ANKRD28: variants seen among roughly 807,000 people sequenced by gnomAD.
ANKRD28 encodes ankyrin repeat domain 28.
In ANKRD28, 44 loss-of-function variants were observed where a neutral mutation model predicts 126.5. That is an observed-to-expected ratio of 0.35 (90% CI 0.27 to 0.45). ANKRD28 has a LOEUF of 0.45. ANKRD28 is among the 20% of genes least tolerant of loss of function. ANKRD28 has a pLI of 1.00. For synonymous variants in ANKRD28, 442 were observed against 468.5 expected (o/e 0.94, Z 0.73); for missense variants, 1,110 against 1,316.6 (o/e 0.84, Z 2.43).
At chr3:15,755,942 C>T (rs2058129650) in intron 3 of ANKRD28, among the ~76,000 whole-genome samples, 1 of 152,208 alleles carries the variant, frequency 6.6e-6, no homozygotes, top group Non-Finnish European at 1.5e-5. Flanking sequence ...CAAAAGACAA[C>T]ACACATAGCA....
intron 1 of ANKRD28, among the ~76,000 whole-genome samples, chr3:15,831,656 A>C (rs1244625481): frequency 1.3e-5 from 2 of 152,230 alleles, no homozygotes; most frequent in African/African-American, 4.8e-5. Flanking sequence ...TCTTTTACAA[A>C]AAAAGGGAAT....
At chr3:15,755,994 T>C (rs2058133551) in intron 3 of ANKRD28, among the ~76,000 whole-genome samples, 1 of 152,186 alleles carries the variant, frequency 6.6e-6, no homozygotes, top group Admixed American at 6.5e-5. Flanking sequence ...AAACCAATAT[T>C]TACAGAAAAC....
rs932823245 is a variant in ANKRD28 at position 15,814,346 on chromosome 3, C to T, written c.28-19040G>A. 4.3e-6 allele frequency: 5 copies of T among 1,168,290 alleles called. No individual in the cohort carries two copies. The highest frequency in any genetic ancestry group is 5.6e-5 in the Admixed American group (2 of 35,626). The allele number at this position is 1,168,290 out of a possible 1,614,324, so 72.4% of individuals were successfully genotyped here. ...AACAGATATCAAAAGAAAGAATACG[C>T]TGATCCTAGAAATTAAGGGCTATGT... On this transcript the variant is annotated intron_variant, in intron 1 of 27. Transcript: ENST00000399451. The surrounding 1 kb of genome is among the most constrained non-coding windows in gnomAD (Gnocchi z 4.7).
exon 1 of ANKRD28, chr3:15,859,587 C>A: frequency 5.0e-6 from 1 of 198,346 alleles, no homozygotes; most frequent in Non-Finnish European, 9.2e-6. Flanking sequence ...CCGCCCGCCG[C>A]CGCCGCCGCC....
chr3:15,762,207 AAAAAAACAAAAC>A (rs1559489098), intron 3 of ANKRD28, among the ~76,000 whole-genome samples: 4 of 33,146 alleles, frequency 1.2e-4, no homozygotes, highest in African/African-American at 2.4e-4. Flanking sequence ...AAAAAAAAAA[AAAAAAACAAAAC>A]AAAAAAAAAA....
chr3:15,820,777 TATG>T (rs1199899063), intron 1 of ANKRD28, among the ~76,000 whole-genome samples: 4 of 152,300 alleles, frequency 2.6e-5, no homozygotes, highest in South Asian at 4.1e-4. Flanking sequence ...AATTCAATTA[TATG>T]ATGATATCAC....
chr3:15,701,206 A>T (rs759515275), intron 14 of ANKRD28, among the ~76,000 whole-genome samples: 16 of 152,218 alleles, frequency 1.1e-4, no homozygotes, highest in Non-Finnish European at 1.3e-4. Context: ...TAAATGCTGA[A>T]TTTCTTAAAA....
At chr3:15,762,427 A>G (rs1647706428) in intron 3 of ANKRD28, among the ~76,000 whole-genome samples, 1 of 152,176 alleles carries the variant, frequency 6.6e-6, no homozygotes, top group Admixed American at 6.5e-5. Flanking sequence ...TACCCTGTTC[A>G]GGAAGGTACT....
intron 6 of ANKRD28, among the ~76,000 whole-genome samples, chr3:15,725,578 A>ATT (rs57166598): frequency 7.2e-5 from 11 of 151,848 alleles, no homozygotes; most frequent in African/African-American, 2.7e-4. Context: ...TATTGGCATC[A>ATT]TTTTTTCCAT....
rs1306855221 is a variant in ANKRD28 at position 15,817,250 on chromosome 3, G to A, written c.28-21944C>T. On this transcript the variant is annotated intron_variant, in intron 1 of 27. Coordinates refer to the ANKRD28 transcript ENST00000399451. The surrounding 1 kb of genome is among the most constrained non-coding windows in gnomAD (Gnocchi z 4.5). ...ACATACTGATGATTTTATCTTGTCA[G>A]TAGAAGTACCATGGTTTTTTTTTCC... Among the ~76,000 whole-genome samples, 1 of 137,960 alleles carries A rather than the reference G, an allele frequency of 7.2e-6. No homozygotes were observed. The highest frequency in any genetic ancestry group is 1.6e-5 in the Non-Finnish European group (1 of 63,270). The allele number at this position is 137,960 out of a possible 152,430, so 90.5% of individuals were successfully genotyped here.
chr3:15,826,842 C>T (rs1021206244), intron 1 of ANKRD28, among the ~76,000 whole-genome samples: 1 of 152,094 alleles, frequency 6.6e-6, no homozygotes, highest in Non-Finnish European at 1.5e-5. Context: ...GAACTAAAGC[C>T]ATGAAAGTGC....
intron 1 of ANKRD28, among the ~76,000 whole-genome samples, chr3:15,809,455 T>A (rs997993291): frequency 2.0e-5 from 3 of 152,168 alleles, no homozygotes; most frequent in Non-Finnish European, 4.4e-5. Context: ...TAACAACATG[T>A]CTCGTTCAGG....
intron 2 of ANKRD28, among the ~76,000 whole-genome samples, chr3:15,777,903 C>CACACACACACACACACA (rs1553631647): frequency 5.4e-5 from 8 of 148,986 alleles, no homozygotes; most frequent in Non-Finnish European, 7.4e-5. Flanking sequence ...CACACACACA[C>CACACACACACACACACA]CCTCTCCGCC....
chr3:15,859,528 C>T lies in ANKRD28; in HGVS notation c.-125G>A. The T allele has an allele frequency of 2.3e-6, 2 of 883,264 alleles. 1 individual carries two copies. Among genetic ancestry groups the T allele is most frequent in the Non-Finnish European group, 3.1e-6 (2 of 646,998 alleles). 54.7% of individuals were successfully genotyped at this position (883,264 alleles called of 1,614,324 possible). On this transcript the variant is annotated 5_prime_UTR_variant, in exon 1 of 28. Coordinates refer to the ANKRD28 transcript ENST00000399451. Reference sequence around the variant, plus strand: ...TGCCCGGGACCAGCGGGTCCGCGGCCGACTGCGCTGAGAAGACCTGCGGGC... The same window carrying T: ...TGCCCGGGACCAGCGGGTCCGCGGCTGACTGCGCTGAGAAGACCTGCGGGC...
In ANKRD28 at chr3:15,797,225, ACT is replaced by A; in HGVS notation, c.-706_-705del. 1.0e-6 allele frequency: 1 copy of A among 977,650 alleles called. No homozygotes were observed. The highest frequency in any genetic ancestry group is 4.7e-5 in the South Asian group (1 of 21,072). The allele number at this position is 977,650 out of a possible 1,614,324, so 60.6% of individuals were successfully genotyped here. The stretch of plus-strand genomic sequence containing the variant: ...AAACAAAAACAAAAAAAAAAAAACC[ACT>A]CTGCATTAATAGCAAAGCTGCAGTA... On this transcript the variant is annotated 5_prime_UTR_variant, in exon 1 of 28. The change abolishes the stop of an existing upstream ORF in the 5' untranslated region. Transcript: ENST00000683139.
intron 1 of ANKRD28, among the ~76,000 whole-genome samples, chr3:15,842,876 T>A (rs2061452498): frequency 6.6e-6 from 1 of 152,256 alleles, no homozygotes; most frequent in Non-Finnish European, 1.5e-5. Flanking sequence ...TTTGATTTAC[T>A]GCTTTACACT....
chr3:15,680,869 G>A (rs917317388), intron 21 of ANKRD28, among the ~76,000 whole-genome samples: 1 of 152,122 alleles, frequency 6.6e-6, no homozygotes, highest in East Asian at 1.9e-4. Flanking sequence ...GTTTTGCCAT[G>A]TTGCTCAGGC....
chr3:15,766,247 A>T lies in ANKRD28; in HGVS notation c.267T>A (p.Leu89=). ...AGGTTACCATACCAGATAAAATAAG[A>T]AGTTCAATGATTTCTGCATCTCCAA... is the stretch of plus-strand genomic sequence containing the variant. ...AYLGDAEIIE[L]LILSGARVNA... The change falls in exon 3 of 28, where the codon CTT becomes CTA. Residue 89 remains leucine, a synonymous_variant. Coordinates refer to ENST00000683139, the MANE Select transcript of ANKRD28 (RefSeq NM_001349278.2). 1.2e-6 allele frequency: 2 copies of T among 1,610,652 alleles called. No individual in the cohort carries two copies. The highest frequency in any genetic ancestry group is 1.7e-6 in the Non-Finnish European group (2 of 1,177,770).
intron 2 of ANKRD28, among the ~76,000 whole-genome samples, chr3:15,769,150 G>GA (rs2058882120): frequency 6.6e-6 from 1 of 152,228 alleles, no homozygotes. Flanking sequence ...CAACAACACA[G>GA]AAAGTGAGTC....
Sources: gnomAD v4.1 joint callset for allele counts (sites outside exome capture counted in the v4.1 genomes callset) on GRCh38, gnomAD v4.1.1 for gene constraint, Gnocchi (gnomAD v3.1) non-coding constraint, MANE v1.5 for transcripts, NCBI Gene and HGNC (gene_info 2026-07-23, HGNC 2026-07-21) for gene names.